MBD5: variants seen among roughly 807,000 people sequenced by gnomAD.
MBD5 encodes the protein methyl-CpG-binding domain protein 5.
A neutral mutation model predicts 117.3 loss-of-function variants in MBD5; 13 were observed. The ratio of observed to expected loss-of-function variants is 0.11; its 90% confidence interval spans 0.07 to 0.18. The LOEUF is 0.18. Among genes scored for constraint, MBD5 ranks in the 10% least tolerant of loss-of-function variants. MBD5 has a pLI of 1.00. For missense variants in MBD5, 1,879 were observed against 2,093.8 expected (o/e 0.90, Z 2.00); for synonymous variants, 727 against 766.4 (o/e 0.95, Z 0.85).
intron 3 of MBD5, among the ~76,000 whole-genome samples, chr2:148,292,579 T>C (rs1383120608): frequency 6.6e-6 from 1 of 152,000 alleles, no homozygotes; most frequent in African/African-American, 2.4e-5. Flanking sequence ...AAATGCTAGC[T>C]AGGATGTGGA....
intron 8 of MBD5, among the ~76,000 whole-genome samples, chr2:148,473,983 A>T (rs554530398): frequency 8.5e-5 from 13 of 152,280 alleles, no homozygotes; most frequent in African/African-American, 3.1e-4. Flanking sequence ...GACATTCCTC[A>T]AGTTGTAAAG....
chr2:148,506,750 A>G (rs559655298), intron 12 of MBD5, among the ~76,000 whole-genome samples: 11 of 152,358 alleles, frequency 7.2e-5, no homozygotes, highest in South Asian at 6.2e-4. Flanking sequence ...ATGAACATCT[A>G]TTACTTAATC....
At chr2:148,331,008 C>T (rs892230269) in intron 3 of MBD5, among the ~76,000 whole-genome samples, 12 of 152,136 alleles carry the variant, frequency 7.9e-5, no homozygotes, top group Non-Finnish European at 1.5e-4. Context: ...AATCTAGAAC[C>T]TATGCTCCTA....
chr2:148,447,071 A>T (rs1358746081), intron 4 of MBD5, among the ~76,000 whole-genome samples: 1 of 150,138 alleles, frequency 6.7e-6, no homozygotes, highest in Non-Finnish European at 1.5e-5. Context: ...GAAAGAAAGA[A>T]AAAGAAAGAA....
At chr2:148,465,901 CAG>C (rs576743436) in intron 7 of MBD5, among the ~76,000 whole-genome samples, 44 of 152,260 alleles carry the variant, frequency 2.9e-4, no homozygotes, top group Non-Finnish European at 4.7e-4. Flanking sequence ...CCAGTTTCTA[CAG>C]AGTCTGCTTA....
chr2:148,367,376 A>G (rs570858886), intron 4 of MBD5, among the ~76,000 whole-genome samples: 4 of 152,334 alleles, frequency 2.6e-5, no homozygotes, highest in Admixed American at 6.5e-5. Flanking sequence ...TAAAAACCCT[A>G]GAAGAAAACC....
chr2:148,021,671 G>C lies in MBD5; in HGVS notation c.-938G>C, dbSNP rs960232228. Reference sequence around the variant, plus strand: ...AGCTCCAGGGAAGGCACTCAAAAGTGGGGGGCAGGAAAGGTAAGTGTGTCT... The same window carrying C: ...AGCTCCAGGGAAGGCACTCAAAAGTCGGGGGCAGGAAAGGTAAGTGTGTCT... On this transcript the variant is annotated 5_prime_UTR_variant, in exon 1 of 14. Transcript: ENST00000642680. 7.8e-6 allele frequency: 3 copies of C among 387,028 alleles called. No individual in the cohort carries two copies. Among genetic ancestry groups the C allele is most frequent in the East Asian group, 1.3e-4 (2 of 15,302 alleles). The allele number at this position is 387,028 out of a possible 1,614,324, so 24.0% of individuals were successfully genotyped here.
chr2:148,061,325 C>T (rs563634128), intron 1 of MBD5, among the ~76,000 whole-genome samples: 17 of 151,998 alleles, frequency 1.1e-4, no homozygotes, highest in Non-Finnish European at 2.4e-4. Context: ...TAGTGTTTCT[C>T]TTTTTAAGTC....
intron 1 of MBD5, among the ~76,000 whole-genome samples, chr2:148,095,840 C>T (rs1324691657): frequency 6.6e-6 from 1 of 151,336 alleles, no homozygotes; most frequent in Non-Finnish European, 1.5e-5. Flanking sequence ...TAATTGGGTT[C>T]TCTGAGCTAT....
At chr2:148,262,710 T>C (rs1482250331) in intron 3 of MBD5, among the ~76,000 whole-genome samples, 5 of 152,226 alleles carry the variant, frequency 3.3e-5, no homozygotes, top group Admixed American at 3.3e-4. Context: ...AGTGTCTATG[T>C]GCTTAACAAC....
At position 148,508,408 on chromosome 2, in the gene MBD5, TA is replaced by T. The variant is rs937392245; in HGVS notation, c.5037-1643del. Among the ~76,000 whole-genome samples the T allele has an allele frequency of 2.5e-4, 38 of 151,174 alleles. No individual in the cohort carries two copies. In the East Asian group the frequency reaches 3.3e-3, roughly 13 times the overall value. On this transcript the variant is annotated intron_variant, in intron 12 of 13. Transcript: ENST00000642680. ...TCATGACACCTTTTGTGTGTGTGTT[TA>T]AAAAAAAACACACATAAAACAATAC... is the stretch of plus-strand genomic sequence containing the variant.
At chr2:148,328,419 G>C (rs1041597839) in intron 3 of MBD5, among the ~76,000 whole-genome samples, 3 of 152,234 alleles carry the variant, frequency 2.0e-5, no homozygotes, top group Non-Finnish European at 2.9e-5. Flanking sequence ...CCTGGGCAAT[G>C]GTGGGCGCCC....
At chr2:148,226,283 C>A (rs1699818447) in intron 2 of MBD5, among the ~76,000 whole-genome samples, 1 of 152,036 alleles carries the variant, frequency 6.6e-6, no homozygotes, top group Non-Finnish European at 1.5e-5. Flanking sequence ...CCACAACAGT[C>A]CCCGGTGTGT....
At chr2:148,304,414 T>TA (rs56100767) in intron 3 of MBD5, among the ~76,000 whole-genome samples, 127 of 147,244 alleles carry the variant, frequency 8.6e-4, no homozygotes, top group Middle Eastern at 3.4e-3. Flanking sequence ...CTTCTCAATA[T>TA]AAAAAAAAAA....
intron 1 of MBD5, among the ~76,000 whole-genome samples, chr2:148,152,381 G>C (rs915857443): frequency 2.0e-5 from 3 of 152,156 alleles, no homozygotes; most frequent in African/African-American, 7.2e-5. Context: ...ATTTGGAATA[G>C]GTGTGGTGCG....
chr2:148,484,757 T>C (rs1681281546), intron 9 of MBD5, among the ~76,000 whole-genome samples: 1 of 152,196 alleles, frequency 6.6e-6, no homozygotes, highest in Non-Finnish European at 1.5e-5. Flanking sequence ...ATCTGTATTA[T>C]CCTATCACAA....
At chr2:148,375,419 T>C (rs1327752155) in intron 4 of MBD5, among the ~76,000 whole-genome samples, 1 of 152,188 alleles carries the variant, frequency 6.6e-6, no homozygotes, top group Non-Finnish European at 1.5e-5. Context: ...ATCCACTGCA[T>C]GCAGCACTTA....
intron 1 of MBD5, among the ~76,000 whole-genome samples, chr2:148,170,887 TA>T (rs1698248461): frequency 6.6e-6 from 1 of 152,158 alleles, no homozygotes; most frequent in Non-Finnish European, 1.5e-5. Context: ...TTAGATTACC[TA>T]GAAGTGGATA....
At chr2:148,451,302 A>G (rs1344705882) in intron 4 of MBD5, among the ~76,000 whole-genome samples, 1 of 152,216 alleles carries the variant, frequency 6.6e-6, no homozygotes, top group Non-Finnish European at 1.5e-5. Flanking sequence ...CAATGAAAAT[A>G]ATAACTAAAC....
Sources: gnomAD v4.1 joint callset for allele counts (sites outside exome capture counted in the v4.1 genomes callset) on GRCh38, gnomAD v4.1.1 for gene constraint, MANE v1.5 for transcripts, NCBI Gene and HGNC (gene_info 2026-07-23, HGNC 2026-07-21) for gene names.